The following GNB1 variants were observed in gnomAD, a reference collection of about 807,000 sequenced individuals.
The protein encoded by GNB1 is G protein subunit beta 1.
A neutral mutation model predicts 42.9 loss-of-function variants in GNB1; 2 were observed. That is an observed-to-expected ratio of 0.05 (90% CI 0.02 to 0.15). GNB1 has a LOEUF of 0.15. Among genes scored for constraint, GNB1 ranks in the 10% least tolerant of loss-of-function variants. The pLI, the probability that GNB1 is intolerant of heterozygous loss-of-function variation, is 1.00. For synonymous variants in GNB1, 183 were observed against 174.7 expected (o/e 1.05, Z -0.38); for missense variants, 193 against 462.2 (o/e 0.42, Z 5.34).
At chr1:1,818,940 G>A (rs1161890241) in intron 3 of GNB1, among the ~76,000 whole-genome samples, 1 of 152,092 alleles carries the variant, frequency 6.6e-6, no homozygotes, top group Non-Finnish European at 1.5e-5. Flanking sequence ...AAACGAGCAA[G>A]GGACCTGGAG....
intron 1 of GNB1, among the ~76,000 whole-genome samples, chr1:1,840,183 A>C (rs1647207405): frequency 6.6e-6 from 1 of 150,394 alleles, no homozygotes. Context: ...AGTGGAGATC[A>C]CGCCACTACA....
chr1:1,821,944 G>A (rs1325518964), intron 3 of GNB1, among the ~76,000 whole-genome samples: 2 of 152,128 alleles, frequency 1.3e-5, no homozygotes, highest in South Asian at 2.1e-4. Context: ...AAGACCAGCT[G>A]GGGCAACATG....
At chr1:1,840,412 C>T (rs1408588300) in intron 1 of GNB1, among the ~76,000 whole-genome samples, 1 of 152,154 alleles carries the variant, frequency 6.6e-6, no homozygotes, top group Non-Finnish European at 1.5e-5. Context: ...CCTGTAGTCC[C>T]AGCTACTCAG....
intron 2 of GNB1, among the ~76,000 whole-genome samples, chr1:1,826,347 G>A (rs1370583689): frequency 6.6e-6 from 1 of 152,190 alleles, no homozygotes; most frequent in Non-Finnish European, 1.5e-5. Context: ...AACCTGGGAG[G>A]CAGAGGTTGC....
chr1:1,811,671 G>A (rs1646781448), intron 5 of GNB1, among the ~76,000 whole-genome samples: 2 of 151,954 alleles, frequency 1.3e-5, no homozygotes, highest in South Asian at 4.2e-4. Flanking sequence ...ACTCTAGCCT[G>A]GGCGACAGTG....
At chr1:1,837,136 A>G (rs1456820546) in intron 2 of GNB1, among the ~76,000 whole-genome samples, 1 of 152,186 alleles carries the variant, frequency 6.6e-6, no homozygotes, top group East Asian at 1.9e-4. Context: ...TTCAATTTAT[A>G]AATGTTTTCT....
chr1:1,882,075 C>T (rs552233298), intron 1 of GNB1, among the ~76,000 whole-genome samples: 1 of 152,270 alleles, frequency 6.6e-6, no homozygotes, highest in African/African-American at 2.4e-5. Context: ...GCGTGTCAGG[C>T]TCCCTATTAG....
intron 2 of GNB1, among the ~76,000 whole-genome samples, chr1:1,825,856 CTCCG>C (rs1007430348): frequency 1.5e-4 from 22 of 149,958 alleles, no homozygotes; most frequent in African/African-American, 5.4e-4. Flanking sequence ...CACAGCAATA[CTCCG>C]TCTCAAAAAA....
intron 1 of GNB1, among the ~76,000 whole-genome samples, chr1:1,869,908 G>C (rs905610427): frequency 6.6e-6 from 1 of 151,846 alleles, no homozygotes; most frequent in Non-Finnish European, 1.5e-5. Flanking sequence ...CATCACCCAG[G>C]CTGGAGTGTA....
chr1:1,861,571 A>C (rs1215488221), intron 1 of GNB1, among the ~76,000 whole-genome samples: 1 of 151,316 alleles, frequency 6.6e-6, no homozygotes, highest in East Asian at 1.9e-4. Context: ...GACACATCTC[A>C]GAGATTTTAT....
chr1:1,807,488 AAAAAAC>A (rs1646716873), intron 5 of GNB1, among the ~76,000 whole-genome samples: 4 of 146,940 alleles, frequency 2.7e-5, no homozygotes, highest in African/African-American at 7.6e-5. Flanking sequence ...AAAAAAAAAA[AAAAAAC>A]AAACAGAAAG....
intron 2 of GNB1, among the ~76,000 whole-genome samples, chr1:1,834,667 C>CTTTT (rs746491020): frequency 5.5e-5 from 7 of 126,330 alleles, no homozygotes; most frequent in Admixed American, 8.8e-5. Context: ...ACTCCAAGCA[C>CTTTT]TTTTTTTTTT....
rs1646408183 is a variant in GNB1 at position 1,786,439 on chromosome 1, T to G, written c.*624A>C. ...TGTTCTTTTCTATGCCACGTTTGTG[T>G]GCAACAATGATCTGTGACATCAGAC... On this transcript the variant is annotated 3_prime_UTR_variant, in exon 12 of 12. Transcript: ENST00000378609. The G allele has an allele frequency of 5.0e-6, 1 of 199,286 alleles. No individual in the cohort carries two copies. The highest frequency in any genetic ancestry group is 1.0e-5 in the Non-Finnish European group (1 of 99,204). 12.3% of individuals were successfully genotyped at this position (199,286 alleles called of 1,614,324 possible). A position where few individuals can be genotyped will look rare whatever the true frequency, so the allele number is the denominator to read the frequency against.
At chr1:1,867,065 G>C (rs1343520184) in intron 1 of GNB1, among the ~76,000 whole-genome samples, 2 of 152,134 alleles carry the variant, frequency 1.3e-5, no homozygotes, top group Admixed American at 6.5e-5. Flanking sequence ...TCAGGAGTTC[G>C]AGACCAGCCT....
At chr1:1,881,814 A>G (rs1649862990) in intron 1 of GNB1, among the ~76,000 whole-genome samples, 1 of 152,146 alleles carries the variant, frequency 6.6e-6, no homozygotes, top group Non-Finnish European at 1.5e-5. Flanking sequence ...TGCGCTTGAT[A>G]AATAATTACT....
intron 1 of GNB1, among the ~76,000 whole-genome samples, chr1:1,840,043 TA>T (rs34674637): frequency 6.4e-5 from 9 of 141,252 alleles, no homozygotes; most frequent in African/African-American, 7.8e-5. Context: ...GGCAGCGAAC[TA>T]AAAAAAAAAA....
intron 1 of GNB1, among the ~76,000 whole-genome samples, chr1:1,855,046 C>A (rs561478507): frequency 2.7e-4 from 41 of 152,188 alleles, no homozygotes; most frequent in African/African-American, 9.4e-4. Context: ...GTAATCCCAG[C>A]TACTTGGGAG....
intron 1 of GNB1, among the ~76,000 whole-genome samples, chr1:1,877,293 T>A (rs1296102157): frequency 2.2e-5 from 3 of 134,882 alleles, no homozygotes; most frequent in East Asian, 4.3e-4. Flanking sequence ...AGTGAGACTC[T>A]GTCTCAAAAA....
intron 1 of GNB1, among the ~76,000 whole-genome samples, chr1:1,863,495 G>A (rs893023416): frequency 6.6e-6 from 1 of 152,172 alleles, no homozygotes; most frequent in South Asian, 2.1e-4. Flanking sequence ...ATTGCAAAGC[G>A]TCAACAAAGC....
Sources: gnomAD v4.1 joint callset for allele counts (sites outside exome capture counted in the v4.1 genomes callset) on GRCh38, gnomAD v4.1.1 for gene constraint, MANE v1.5 for transcripts, NCBI Gene and HGNC (gene_info 2026-07-23, HGNC 2026-07-21) for gene names.